The following ZNF277 variants were observed in gnomAD, a reference collection of about 807,000 sequenced individuals.
ZNF277 encodes the protein zinc finger protein 277.
In ZNF277, 55 loss-of-function variants were observed where a neutral mutation model predicts 60.7. That is an observed-to-expected ratio of 0.91 (90% CI 0.73 to 1.13). The LOEUF (loss-of-function observed/expected upper bound fraction) is 1.13, where lower values mean the gene tolerates loss of function less well. Among genes scored for constraint, ZNF277 ranks in the 50% most tolerant of loss-of-function variants. ZNF277 has a pLI of 0.00. For missense variants in ZNF277, 510 were observed against 523.0 expected (o/e 0.98, Z 0.24); for synonymous variants, 178 against 179.3 (o/e 0.99, Z 0.06).
Position 112,343,366 on chromosome 7 carries a change from A to G in ZNF277, c.*637A>G, listed in dbSNP as rs564036260. Among the ~76,000 whole-genome samples, 25 of 152,146 alleles carry G rather than the reference A, an allele frequency of 1.6e-4. No individual in the cohort carries two copies. Among genetic ancestry groups the G allele is most frequent in the Non-Finnish European group, 2.2e-4 (15 of 68,012 alleles). On this transcript the variant is annotated 3_prime_UTR_variant, in exon 12 of 12. Transcript: ENST00000361822. ...CCAGTTAACTTCACTTTTCCCTGCAATTTGTATGTCACTAACATTTAAATG... is the reference window on the plus strand; with the variant it reads ...CCAGTTAACTTCACTTTTCCCTGCAGTTTGTATGTCACTAACATTTAAATG...
intron 1 of ZNF277, among the ~76,000 whole-genome samples, chr7:112,207,435 G>A (rs1821558340): frequency 6.6e-6 from 1 of 152,128 alleles, no homozygotes; most frequent in African/African-American, 2.4e-5. Flanking sequence ...CCAGTCTCTG[G>A]GTCCTTAGAG....
intron 11 of ZNF277, 197 bp downstream of exon 11, chr7:112,341,243 C>G (rs866427196): frequency 2.4e-6 from 1 of 416,464 alleles, no homozygotes. Context: ...ACAAATGAAA[C>G]CAAGTATTTT....
At chr7:112,304,971 C>G (rs1432724288) in intron 4 of ZNF277, among the ~76,000 whole-genome samples, 1 of 152,116 alleles carries the variant, frequency 6.6e-6, no homozygotes, top group Non-Finnish European at 1.5e-5. Context: ...TCTCTCTCAC[C>G]CACTTTCTCC....
intron 1 of ZNF277, among the ~76,000 whole-genome samples, chr7:112,247,398 G>C (rs943303057): frequency 2.6e-5 from 4 of 152,194 alleles, no homozygotes; most frequent in African/African-American, 9.7e-5. Context: ...TGAGATAGCA[G>C]ATTGACATGA....
intron 1 of ZNF277, among the ~76,000 whole-genome samples, chr7:112,216,232 A>G (rs994880675): frequency 1.3e-5 from 2 of 152,250 alleles, no homozygotes; most frequent in African/African-American, 4.8e-5. Context: ...AGCAGTGATC[A>G]TAGACAGTAC....
chr7:112,325,749 T>C (rs76969019), intron 5 of ZNF277, among the ~76,000 whole-genome samples: 2,439 of 152,270 alleles, frequency 0.016, 29 homozygotes, highest in Non-Finnish European at 0.022. Context: ...CTGAAAGCCC[T>C]GGGTAGACCT....
At chr7:112,326,517 T>C (rs552293904) in intron 5 of ZNF277, among the ~76,000 whole-genome samples, 2 of 152,126 alleles carry the variant, frequency 1.3e-5, no homozygotes, top group African/African-American at 4.8e-5. Context: ...GGGAAAACCT[T>C]TGTGGGCCCA....
At chr7:112,223,826 A>C (rs1822099688) in intron 1 of ZNF277, among the ~76,000 whole-genome samples, 1 of 152,226 alleles carries the variant, frequency 6.6e-6, no homozygotes, top group South Asian at 2.1e-4. Flanking sequence ...AGTCACAGGA[A>C]GGCTTTCAGA....
chr7:112,325,043 T>G (rs1403150327), intron 5 of ZNF277, among the ~76,000 whole-genome samples: 3 of 152,158 alleles, frequency 2.0e-5, no homozygotes, highest in African/African-American at 7.2e-5. Flanking sequence ...AGAAACATCC[T>G]CACAGACACA....
intron 1 of ZNF277, among the ~76,000 whole-genome samples, chr7:112,208,401 C>G (rs1464115284): frequency 2.0e-5 from 3 of 151,652 alleles, no homozygotes; most frequent in Admixed American, 2.0e-4. Flanking sequence ...AAAGGATATG[C>G]CTTTCAAAAA....
intron 1 of ZNF277, among the ~76,000 whole-genome samples, chr7:112,238,646 C>G (rs887827471): frequency 6.6e-6 from 1 of 151,248 alleles, no homozygotes; most frequent in Non-Finnish European, 1.5e-5. Context: ...CGCAGAGACT[C>G]CATCCTTGGT....
chr7:112,309,611 TG>T (rs1792675844), intron 4 of ZNF277, among the ~76,000 whole-genome samples: 1 of 151,846 alleles, frequency 6.6e-6, no homozygotes, highest in South Asian at 2.1e-4. Context: ...ATATTGTCCA[TG>T]ATGCATATAC....
At chr7:112,307,545 C>G (rs1563223126) in intron 4 of ZNF277, among the ~76,000 whole-genome samples, 1 of 151,822 alleles carries the variant, frequency 6.6e-6, no homozygotes, top group East Asian at 1.9e-4. Context: ...CTACTGACTG[C>G]CTGGGATTAT....
At chr7:112,219,426 C>A (rs77895182) in intron 1 of ZNF277, among the ~76,000 whole-genome samples, 4,963 of 152,056 alleles carry the variant, frequency 0.033, 140 homozygotes, top group East Asian at 0.12. Flanking sequence ...CAATTTCATT[C>A]TTCTTTATGT....
At chr7:112,231,170 C>T (rs536511880) in intron 1 of ZNF277, among the ~76,000 whole-genome samples, 7 of 150,024 alleles carry the variant, frequency 4.7e-5, no homozygotes, top group South Asian at 2.1e-4. Context: ...GCTGAGATCG[C>T]GCCATTGCAC....
chr7:112,219,724 C>G (rs75778410), intron 1 of ZNF277, among the ~76,000 whole-genome samples: 18,367 of 152,206 alleles, frequency 0.12, 1,256 homozygotes, highest in East Asian at 0.16. Context: ...CAGCCTTGAT[C>G]TATTGGGCTC....
chr7:112,342,502 C>A, intron 11 of ZNF277, 59 bp from the exon 12 acceptor site: 1 of 1,354,634 alleles, frequency 7.4e-7, no homozygotes, highest in Non-Finnish European at 9.7e-7. Flanking sequence ...GTACATTCAG[C>A]TACCTGGACA....
chr7:112,317,729 C>A (rs1051272384), intron 4 of ZNF277, among the ~76,000 whole-genome samples: 2 of 151,840 alleles, frequency 1.3e-5, no homozygotes, highest in African/African-American at 4.8e-5. Context: ...TTATGGTAAC[C>A]CACAATGACT....
chr7:112,237,027 A>G (rs1034628250), intron 1 of ZNF277, among the ~76,000 whole-genome samples: 4 of 152,176 alleles, frequency 2.6e-5, no homozygotes, highest in African/African-American at 9.6e-5. Flanking sequence ...GATCACATCA[A>G]GTATCCTCTT....
Sources: allele counts gnomAD v4.1 joint callset (sites outside exome capture counted in the v4.1 genomes callset), GRCh38; gene constraint gnomAD v4.1.1; transcripts MANE v1.5; gene names NCBI Gene and HGNC (gene_info 2026-07-23, HGNC 2026-07-21).